Variants in SPRR2G observed in about 807,000 individuals in gnomAD.
The protein encoded by SPRR2G is small proline rich protein 2G.
SPRR2G carries 1 observed loss-of-function variant against 0.7 expected under a neutral mutation model. The observed-to-expected ratio is 1.49, with a 90% CI of 0.53 to 7.06. The LOEUF is 7.06. Ranked by LOEUF, SPRR2G falls within the 30% of genes most tolerant of loss-of-function variation. SPRR2G has a pLI of 0.14. For synonymous variants in SPRR2G, 38 were observed against 33.9 expected (o/e 1.12, Z -0.42); for missense variants, 96 against 88.5 (o/e 1.09, Z -0.34).
the SPRR2G span, among the ~76,000 whole-genome samples, chr1:153,199,056 C>G: frequency 6.6e-6 from 1 of 152,200 alleles, no homozygotes; most frequent in Non-Finnish European, 1.5e-5. Flanking sequence ...TAGGATAAAC[C>G]CTGAACCATG....
chr1:153,200,835 G>A, the SPRR2G span, among the ~76,000 whole-genome samples: 1 of 152,036 alleles, frequency 6.6e-6, no homozygotes, highest in Non-Finnish European at 1.5e-5. Context: ...GAGTAGCTGG[G>A]ATTTCAGGCA....
chr1:153,192,473 A>T, the SPRR2G span, among the ~76,000 whole-genome samples: 1 of 152,238 alleles, frequency 6.6e-6, no homozygotes, highest in African/African-American at 2.4e-5. Flanking sequence ...TTCAAGAACA[A>T]TCAAGAGTGG....
the SPRR2G span, among the ~76,000 whole-genome samples, chr1:153,185,338 GC>G: frequency 8.5e-6 from 1 of 117,704 alleles, no homozygotes; most frequent in African/African-American, 4.1e-5. Context: ...CTGGTCCTGG[GC>G]TTTTTTTTTT....
At chr1:153,163,633 C>T in the SPRR2G span, among the ~76,000 whole-genome samples, 1 of 152,180 alleles carries the variant, frequency 6.6e-6, no homozygotes, top group Non-Finnish European at 1.5e-5. Context: ...ATCCTCTTAA[C>T]CTTGGCATTC....
At chr1:153,160,026 C>A in the SPRR2G span, among the ~76,000 whole-genome samples, 2 of 152,188 alleles carry the variant, frequency 1.3e-5, no homozygotes, top group African/African-American at 4.8e-5. Context: ...TCTTATATAA[C>A]TGAAACTTTA....
the SPRR2G span, among the ~76,000 whole-genome samples, chr1:153,200,964 C>T: frequency 3.9e-5 from 6 of 152,306 alleles, no homozygotes; most frequent in South Asian, 4.1e-4. Context: ...CCTCAGCCTC[C>T]CAAAGTGCTG....
chr1:153,158,306 C>T, the SPRR2G span, among the ~76,000 whole-genome samples: 4 of 152,188 alleles, frequency 2.6e-5, no homozygotes, highest in Non-Finnish European at 5.9e-5. Context: ...TAAATGTTCC[C>T]ATTCCAAATG....
At chr1:153,158,262 G>T in the SPRR2G span, among the ~76,000 whole-genome samples, 1 of 152,194 alleles carries the variant, frequency 6.6e-6, no homozygotes, top group Admixed American at 6.5e-5. Context: ...CAAGTTAGTT[G>T]CTTCCAAGAT....
upstream of SPRR2G, among the ~76,000 whole-genome samples, chr1:153,151,901 C>A (rs1656477119): frequency 6.6e-6 from 1 of 152,192 alleles, no homozygotes; most frequent in Non-Finnish European, 1.5e-5. Flanking sequence ...GCTTATTTAA[C>A]CATATTAACA....
the SPRR2G span, among the ~76,000 whole-genome samples, chr1:153,163,390 T>C: frequency 6.6e-6 from 1 of 152,330 alleles, no homozygotes; most frequent in East Asian, 1.9e-4. Flanking sequence ...CATCTCATCT[T>C]TCCACTATAT....
upstream of SPRR2G, among the ~76,000 whole-genome samples, chr1:153,153,588 A>G (rs1656517779): frequency 6.6e-6 from 1 of 152,124 alleles, no homozygotes; most frequent in Non-Finnish European, 1.5e-5. Flanking sequence ...AAGAAGGACA[A>G]AGCTATTTTA....
chr1:153,183,144 C>T, the SPRR2G span, among the ~76,000 whole-genome samples: 2 of 149,112 alleles, frequency 1.3e-5, no homozygotes, highest in African/African-American at 4.9e-5. Context: ...TCTCGGCTCA[C>T]CACAGTTTCC....
the SPRR2G span, among the ~76,000 whole-genome samples, chr1:153,163,114 G>A: frequency 7.9e-5 from 12 of 152,292 alleles, no homozygotes; most frequent in African/African-American, 2.9e-4. Context: ...AGCTGTTCAT[G>A]ACCCTAATCT....
upstream of SPRR2G, among the ~76,000 whole-genome samples, chr1:153,153,456 G>A (rs12026519): frequency 0.031 from 4,792 of 152,150 alleles, 508 homozygotes; most frequent in East Asian, 0.35. Flanking sequence ...TTCTCTGACG[G>A]ACATTTTTGT....
At chr1:153,169,852 C>T in the SPRR2G span, among the ~76,000 whole-genome samples, 49,484 of 152,140 alleles carry the variant, frequency 0.33, 10,299 homozygotes, top group Non-Finnish European at 0.48. Context: ...TCTTCTCACC[C>T]TCCAAATATC....
chr1:153,198,968 C>T, the SPRR2G span, among the ~76,000 whole-genome samples: 1 of 152,044 alleles, frequency 6.6e-6, no homozygotes, highest in Non-Finnish European at 1.5e-5. Flanking sequence ...TGGGAGTCTA[C>T]CCATGTCACA....
At chr1:153,154,571 T>C (rs1656543078), upstream of SPRR2G, among the ~76,000 whole-genome samples, 1 of 152,160 alleles carries the variant, frequency 6.6e-6, no homozygotes, top group Admixed American at 6.5e-5. Flanking sequence ...TCTTCATGAT[T>C]CAGTCTCAGT....
At chr1:153,168,358 A>G in the SPRR2G span, among the ~76,000 whole-genome samples, 5 of 152,344 alleles carry the variant, frequency 3.3e-5, no homozygotes, top group East Asian at 9.6e-4. Flanking sequence ...ATAGAAGTAT[A>G]TCAGGAGCTC....
the SPRR2G span, among the ~76,000 whole-genome samples, chr1:153,160,927 C>T: frequency 0.021 from 3,213 of 150,248 alleles, 116 homozygotes; most frequent in African/African-American, 0.075. Context: ...AATGATGAGT[C>T]CATGTCCTTT....
Sources: allele counts gnomAD v4.1 joint callset (sites outside exome capture counted in the v4.1 genomes callset), GRCh38; gene constraint gnomAD v4.1.1; transcripts MANE v1.5; gene names NCBI Gene and HGNC (gene_info 2026-07-23, HGNC 2026-07-21).